Variants in SLC22A15 observed in about 807,000 individuals in gnomAD.
The protein encoded by SLC22A15 is solute carrier family 22 member 15.
Under a neutral mutation model 62.7 loss-of-function variants are expected in SLC22A15, and 45 were observed. The observed-to-expected ratio is 0.72, with a 90% CI of 0.56 to 0.92. The LOEUF (loss-of-function observed/expected upper bound fraction) is 0.92. Ranked by LOEUF, SLC22A15 falls within the 40% of genes least tolerant of loss-of-function variation. SLC22A15 has a pLI of 0.00. For synonymous variants in SLC22A15, 264 were observed against 267.0 expected (o/e 0.99, Z 0.11); for missense variants, 622 against 665.6 (o/e 0.93, Z 0.72).
At chr1:115,984,241 C>G (rs984607200) in intron 1 of SLC22A15, among the ~76,000 whole-genome samples, 5 of 152,176 alleles carry the variant, frequency 3.3e-5, no homozygotes, top group African/African-American at 1.2e-4. Flanking sequence ...ACTTTCCTGA[C>G]TCTGATTGGG....
At chr1:116,020,630 C>G in intron 3 of SLC22A15, 91 bp from the exon 4 acceptor site, 1 of 1,046,452 alleles carries the variant, frequency 9.6e-7, no homozygotes, top group Non-Finnish European at 1.3e-6. Flanking sequence ...AGTTTACAAA[C>G]ATTTATTTTA....
chr1:116,014,370 C>T (rs1656423523), intron 2 of SLC22A15, among the ~76,000 whole-genome samples: 5 of 152,138 alleles, frequency 3.3e-5, no homozygotes, highest in African/African-American at 4.8e-5. Context: ...AATGATTATA[C>T]GAGTGCTTTT....
intron 8 of SLC22A15, among the ~76,000 whole-genome samples, chr1:116,058,663 A>G (rs972856222): frequency 1.3e-5 from 2 of 152,252 alleles, no homozygotes; most frequent in Non-Finnish European, 2.9e-5. Flanking sequence ...AGATACTTGC[A>G]CATGCATGTT....
At chr1:116,001,508 T>C (rs986655815) in intron 2 of SLC22A15, among the ~76,000 whole-genome samples, 2 of 152,182 alleles carry the variant, frequency 1.3e-5, no homozygotes, top group African/African-American at 4.8e-5. Flanking sequence ...CCTGTAGGCA[T>C]GCTTTATTAT....
intron 8 of SLC22A15, among the ~76,000 whole-genome samples, chr1:116,053,323 A>G (rs1222442830): frequency 1.3e-5 from 2 of 152,232 alleles, no homozygotes; most frequent in African/African-American, 4.8e-5. Flanking sequence ...GATGAAATGA[A>G]TGAAATGAAG....
At chr1:116,055,943 A>G (rs942786041) in intron 8 of SLC22A15, among the ~76,000 whole-genome samples, 21 of 146,816 alleles carry the variant, frequency 1.4e-4, no homozygotes, top group East Asian at 6.1e-4. Context: ...ACCCACAGGC[A>G]ATATCATACT....
chr1:116,034,993 A>G (rs1203523012), intron 6 of SLC22A15, among the ~76,000 whole-genome samples, 194 bp from the exon 7 acceptor site: 1 of 152,224 alleles, frequency 6.6e-6, no homozygotes, highest in Admixed American at 6.5e-5. Flanking sequence ...AAACCCCCAT[A>G]ATTTTTTTGT....
chr1:115,996,792 A>G (rs1031460427), intron 2 of SLC22A15, among the ~76,000 whole-genome samples: 10 of 152,156 alleles, frequency 6.6e-5, no homozygotes, highest in Non-Finnish European at 1.2e-4. Flanking sequence ...CAAATGATAT[A>G]TTTTGTATTG....
Position 116,019,700 on chromosome 1 carries a change from A to G in SLC22A15, c.419A>G (p.Lys140Arg). ...GQLSDRFGRK[K>R]VYLTGFALDI... ...CTTTCAGATCGCTTCGGAAGGAAAA[A>G]AGTCTATCTCACAGGTAATCTATTA... The change falls in exon 3 of 12, where the codon AAA becomes AGA. Residue 140 changes from lysine (K) to arginine (R), a missense_variant. By Grantham distance (26) the Lys-to-Arg change is conservative. Coordinates refer to ENST00000369503, the MANE Select transcript of SLC22A15 (RefSeq NM_018420.3). 2 of 1,612,968 alleles carry G rather than the reference A, an allele frequency of 1.2e-6. No individual in the cohort carries two copies. The highest frequency in any genetic ancestry group is 1.7e-6 in the Non-Finnish European group (2 of 1,179,656).
At chr1:116,055,800 A>G (rs1321876427) in intron 8 of SLC22A15, among the ~76,000 whole-genome samples, 1 of 143,600 alleles carries the variant, frequency 7.0e-6, no homozygotes, top group Non-Finnish European at 1.5e-5. Flanking sequence ...ACCAAAGACA[A>G]AAACCACATG....
intron 2 of SLC22A15, among the ~76,000 whole-genome samples, chr1:115,995,722 A>C (rs1285407297): frequency 6.6e-6 from 1 of 152,056 alleles, no homozygotes; most frequent in African/African-American, 2.4e-5. Flanking sequence ...TATTCTTTTC[A>C]ATGATTTGTA....
At chr1:116,055,560 C>A (rs951144075) in intron 8 of SLC22A15, among the ~76,000 whole-genome samples, 1 of 148,492 alleles carries the variant, frequency 6.7e-6, no homozygotes, top group Admixed American at 6.7e-5. Flanking sequence ...TTTTATGAGG[C>A]CAGCATCATC....
intron 2 of SLC22A15, among the ~76,000 whole-genome samples, chr1:116,019,114 T>C (rs1039911960): frequency 3.9e-5 from 6 of 152,262 alleles, no homozygotes; most frequent in African/African-American, 1.4e-4. Flanking sequence ...GATCATATGG[T>C]AATTCTGTGT....
chr1:116,066,483 C>A (rs1035393769), intron 10 of SLC22A15, 37 bp from the exon 11 acceptor site: 6 of 1,500,010 alleles, frequency 4.0e-6, no homozygotes, highest in East Asian at 2.5e-5. Context: ...GAAACTAATT[C>A]TCTGGTTTAT....
At chr1:116,013,687 A>T (rs893970579) in intron 2 of SLC22A15, 10 of 152,162 alleles carry the variant, frequency 6.6e-5, no homozygotes, top group Admixed American at 1.3e-4. Flanking sequence ...CAGGAAAATG[A>T]TTTATTTGAT....
chr1:115,999,381 A>G (rs1423379199), intron 2 of SLC22A15, among the ~76,000 whole-genome samples: 2 of 152,190 alleles, frequency 1.3e-5, no homozygotes, highest in East Asian at 3.8e-4. Flanking sequence ...TCTAGTGCTG[A>G]AAGTGATGTG....
intron 2 of SLC22A15, among the ~76,000 whole-genome samples, chr1:116,006,013 C>G (rs1655961123): frequency 2.0e-5 from 3 of 152,204 alleles, no homozygotes; most frequent in African/African-American, 7.2e-5. Flanking sequence ...AATGGGCTCT[C>G]TGAAGAGAAG....
chr1:116,042,473 A>C (rs1366332541), intron 8 of SLC22A15, among the ~76,000 whole-genome samples: 1 of 152,178 alleles, frequency 6.6e-6, no homozygotes, highest in African/African-American at 2.4e-5. Flanking sequence ...TGAATAAAAA[A>C]CTAACAAAAC....
chr1:116,041,957 T>C (rs1244979433), intron 8 of SLC22A15, among the ~76,000 whole-genome samples: 1 of 152,130 alleles, frequency 6.6e-6, no homozygotes, highest in African/African-American at 2.4e-5. Context: ...TGTTTGTTTG[T>C]TTGTTTGTTT....
Sources: gnomAD v4.1 joint callset for allele counts (sites outside exome capture counted in the v4.1 genomes callset) on GRCh38, gnomAD v4.1.1 for gene constraint, MANE v1.5 for transcripts, NCBI Gene and HGNC (gene_info 2026-07-23, HGNC 2026-07-21) for gene names.